The following LIMS2 variants were observed in gnomAD, a reference collection of about 807,000 sequenced individuals.
LIMS2 encodes LIM zinc finger domain containing 2, also known as LIM and senescent cell antigen-like-containing domain protein 2.
LIMS2 carries 30 observed loss-of-function variants against 45.3 expected under a neutral mutation model. The ratio of observed to expected loss-of-function variants is 0.66; its 90% CI spans 0.50 to 0.90. LIMS2 has a LOEUF of 0.90. Ranked by LOEUF, LIMS2 falls within the 40% of genes least tolerant of loss-of-function variation. The pLI is 0.00. For missense variants in LIMS2, 485 were observed against 468.7 expected, an observed-to-expected ratio of 1.03 and a Z score of -0.32; for synonymous variants, 173 against 188.0, an observed-to-expected ratio of 0.92 and a Z score of 0.65.
At chr2:127,676,324 T>A (rs1158033400), upstream of LIMS2, among the ~76,000 whole-genome samples, 1 of 151,934 alleles carries the variant, frequency 6.6e-6, no homozygotes, top group Non-Finnish European at 1.5e-5. Context: ...GATAGTATCC[T>A]GCAGTTCCAC....
chr2:127,677,462 T>A (rs1457450157), upstream of LIMS2, among the ~76,000 whole-genome samples: 6 of 151,998 alleles, frequency 3.9e-5, no homozygotes, highest in African/African-American at 1.5e-4. This position sits in a 1 kb window ranked among gnomAD's most constrained non-coding sequence, Gnocchi z 5.0. Flanking sequence ...TAAACCAGAA[T>A]AAGGGAAAGA....
At chr2:127,648,613 G>C (rs1313002908) in intron 4 of LIMS2, among the ~76,000 whole-genome samples, 2 of 152,120 alleles carry the variant, frequency 1.3e-5, no homozygotes, top group Non-Finnish European at 2.9e-5. Flanking sequence ...ATCAGTAAGA[G>C]GAGAGGGGCT....
intron 1 of LIMS2, among the ~76,000 whole-genome samples, chr2:127,663,993 C>G (rs1211898153): frequency 1.3e-5 from 2 of 152,218 alleles, no homozygotes; most frequent in Non-Finnish European, 2.9e-5. Flanking sequence ...CTGCTCAGAA[C>G]CTGTCTGCTC....
chr2:127,672,611 G>A lies in LIMS2; in HGVS notation c.11+2403C>T, dbSNP rs1203729271. 6.6e-6 allele frequency among the ~76,000 whole-genome samples: 1 copy of A among 152,146 alleles called. No individual in the cohort carries two copies. The highest frequency in any genetic ancestry group is 2.4e-5 in the African/African-American group (1 of 41,436). On this transcript the variant is annotated intron_variant, in intron 1 of 9. Transcript: ENST00000355119. The surrounding 1 kb of genome is among the most constrained non-coding windows in gnomAD (Gnocchi z 4.9). ...CTCCACCTCCCAGAACCCTGAGTCA[G>A]CCTCCTCTCCTCCACCCGCTCAGCC...
Position 127,639,339 on chromosome 2 carries a change from A to AGCTTCTTCAGCC in LIMS2, c.956_967dup (p.Arg319_Lys322dup), listed in dbSNP as rs755312050. 2 of 1,613,952 alleles carry AGCTTCTTCAGCC rather than the reference A, an allele frequency of 1.2e-6. No individual in the cohort carries two copies. Among genetic ancestry groups the AGCTTCTTCAGCC allele is most frequent in the South Asian group, 1.1e-5 (1 of 91,078 alleles). On this transcript the variant is annotated inframe_insertion, in exon 10 of 10. Coordinates refer to ENST00000355119, the MANE Select transcript of LIMS2 (RefSeq NM_001161403.3). ...GGCCTTGCGGGAGGTCAGCTCCGAC[A>AGCTTCTTCAGCC]GCTTCTTCAGCCGCTTCTTCAGCTC... is the stretch of plus-strand genomic sequence containing the variant.
At chr2:127,659,793 C>T (rs1260037841) in intron 1 of LIMS2, among the ~76,000 whole-genome samples, 1 of 152,172 alleles carries the variant, frequency 6.6e-6, no homozygotes, top group Non-Finnish European at 1.5e-5. Flanking sequence ...AGCACACATC[C>T]CTCGCACCCC....
At position 127,675,368 on chromosome 2, in the gene LIMS2, T is replaced by G; in HGVS notation, c.-344A>C. 5.1e-5 allele frequency: 1 copy of G among 19,696 alleles called. No homozygotes were observed. The highest frequency in any genetic ancestry group is 6.0e-4 in the Admixed American group (1 of 1,654). The allele number at this position is 19,696 out of a possible 1,614,324, so 1.2% of individuals were successfully genotyped here. A position where few individuals can be genotyped will look rare whatever the true frequency, so the allele number is the denominator to read the frequency against. On this transcript the variant is annotated 5_prime_UTR_variant, in exon 1 of 10. Transcript: ENST00000355119. ...TTAAAGGTGGGGCTGACGGTGGGGT[T>G]GGAGGGGTGAGAGTGAGGCGGGGGT...
chr2:127,663,888 G>A (rs1434950624), intron 1 of LIMS2, among the ~76,000 whole-genome samples: 2 of 152,176 alleles, frequency 1.3e-5, no homozygotes. Flanking sequence ...ATGCCCTGAG[G>A]ACCATCCTGA....
At chr2:127,670,757 C>G (rs74315753) in intron 1 of LIMS2, among the ~76,000 whole-genome samples, 52 of 152,326 alleles carry the variant, frequency 3.4e-4, no homozygotes, top group Middle Eastern at 3.4e-3. Flanking sequence ...GGGCACGTGC[C>G]CTCAGCCCAG....
chr2:127,651,304 C>A, intron 4 of LIMS2: 1 of 1,609,304 alleles, frequency 6.2e-7, no homozygotes, highest in Middle Eastern at 1.6e-4. Context: ...GAGAAGGCCT[C>A]CCACCATGCC....
rs779468000 is a variant in LIMS2 at position 127,657,493 on chromosome 2, G to A, written c.81C>T (p.Arg27=). 1.2e-6 allele frequency: 2 copies of A among 1,613,506 alleles called. No individual in the cohort carries two copies. The highest frequency in any genetic ancestry group is 2.2e-5 in the South Asian group (2 of 91,074). The change falls in exon 2 of 10, where the codon CGC becomes CGT. Residue 27 remains arginine, a synonymous_variant. Transcript: ENST00000355119. ...RCQARFSPAE[R]IVNSNGELYH... Reference sequence around the variant, plus strand: ...ACAGCTCCCCATTGCTGTTGACAATGCGCTCGGCGGGGGAGAAGCGGGCCT... The same window carrying A: ...ACAGCTCCCCATTGCTGTTGACAATACGCTCGGCGGGGGAGAAGCGGGCCT...
At chr2:127,641,077 A>C in intron 6 of LIMS2, 89 bp from the exon 7 acceptor site, 1 of 1,023,102 alleles carries the variant, frequency 9.8e-7, no homozygotes, top group African/African-American at 1.6e-5. Context: ...CAGTGACCCC[A>C]GGAGCCAGTG....
At chr2:127,655,051 C>T (rs891694922) in intron 2 of LIMS2, 155 bp from the exon 3 acceptor site, 1 of 733,904 alleles carries the variant, frequency 1.4e-6, no homozygotes, top group Admixed American at 2.1e-5. Context: ...CAGGCCTGGC[C>T]AGAGAGGACA....
rs148896898 is a variant in LIMS2, at chr2:127,661,595, G to A, written c.12-4033C>T. Reference sequence around the variant, plus strand: ...CACTACCCACCCCCAGCTGGACTACGTAGAACATACTGCCCAGGGCACACC... The same window carrying A: ...CACTACCCACCCCCAGCTGGACTACATAGAACATACTGCCCAGGGCACACC... On this transcript the variant is annotated intron_variant, in intron 1 of 9. Transcript: ENST00000355119. 3.8e-4 allele frequency among the ~76,000 whole-genome samples: 58 copies of A among 152,326 alleles called. No homozygotes were observed. The East Asian group carries it at 7.5e-3, about 20-fold the overall frequency.
intron 1 of LIMS2, chr2:127,674,177 C>T (rs1472315616): frequency 6.2e-6 from 1 of 162,072 alleles, no homozygotes; most frequent in Admixed American, 6.0e-5. Flanking sequence ...ACAGGTCACT[C>T]TCCGGGCTGG....
At chr2:127,643,450 G>C (rs912025725) in intron 4 of LIMS2, 1 of 458,272 alleles carries the variant, frequency 2.2e-6, no homozygotes, top group South Asian at 1.5e-5. Flanking sequence ...GAGTGTCACT[G>C]TGCCCAGCAG....
chr2:127,642,996 C>T lies in LIMS2; in HGVS notation c.436G>A (p.Val146Ile), dbSNP rs779559927. ...AACATGAGGGGCTGCTCGTCGATGACCAGGTGGCACCGCTGGCAGATGTAC... is the reference window on the plus strand; with the variant it reads ...AACATGAGGGGCTGCTCGTCGATGATCAGGTGGCACCGCTGGCAGATGTAC... ...GKYICQRCHL[V>I]IDEQPLMFRS... Residue 146 changes from valine (V) to isoleucine (I), a missense_variant, in exon 5 of 10, where the codon GTC becomes ATC. Coordinates refer to ENST00000355119, the MANE Select transcript of LIMS2 (RefSeq NM_001161403.3). This position sits in a 1 kb window ranked among gnomAD's most constrained non-coding sequence, Gnocchi z 5.3. 6.3e-7 allele frequency: 1 copy of T among 1,577,806 alleles called. No homozygotes were observed. The highest frequency in any genetic ancestry group is 1.2e-5 in the South Asian group (1 of 86,058).
rs1682140707 is a variant in LIMS2, at chr2:127,639,258, G to A, written c.*23C>T. 2 of 1,611,038 alleles carry A rather than the reference G, an allele frequency of 1.2e-6. No homozygotes were observed. Among genetic ancestry groups the A allele is most frequent in the African/African-American group, 1.3e-5 (1 of 74,846 alleles). The stretch of plus-strand genomic sequence containing the variant: ...GGAGGGGAGAAGGCGGAGGGGCCGA[G>A]AGGCAGCTGCGCAAGAGGGCCTTCA... On this transcript the variant is annotated 3_prime_UTR_variant, in exon 10 of 10. Coordinates refer to ENST00000355119, the MANE Select transcript of LIMS2 (RefSeq NM_001161403.3).
Position 127,649,037 on chromosome 2 carries a change from G to T in LIMS2, c.359+5387C>A, listed in dbSNP as rs1286836721. On this transcript the variant is annotated intron_variant, in intron 4 of 9. Transcript: ENST00000355119. Reference sequence around the variant, plus strand: ...GAGGGAGGGAGGAAAGAAAGAAAAAGAAAGAAAGAGAAAAGAAGAAAGGAA... The same window carrying T: ...GAGGGAGGGAGGAAAGAAAGAAAAATAAAGAAAGAGAAAAGAAGAAAGGAA... 2.6e-5 allele frequency among the ~76,000 whole-genome samples: 2 copies of T among 76,820 alleles called. 1 individual carries two copies. The highest frequency in any genetic ancestry group is 5.8e-5 in the Non-Finnish European group (2 of 34,732). The allele number at this position is 76,820 out of a possible 152,430, so 50.4% of individuals were successfully genotyped here.
Sources: allele counts gnomAD v4.1 joint callset (sites outside exome capture counted in the v4.1 genomes callset), GRCh38; gene constraint gnomAD v4.1.1; non-coding constraint Gnocchi (gnomAD v3.1); transcripts MANE v1.5; gene names NCBI Gene and HGNC (gene_info 2026-07-23, HGNC 2026-07-21).